IQCE: variants seen among roughly 807,000 people sequenced by gnomAD.
IQCE encodes the protein IQ motif containing E.
IQCE carries 115 observed loss-of-function variants against 96.0 expected under a neutral mutation model. The observed-to-expected ratio is 1.20, with a 90% CI of 1.03 to 1.40. The LOEUF (loss-of-function observed/expected upper bound fraction) is 1.40. Among genes scored for constraint, IQCE ranks in the 40% most tolerant of loss-of-function variants. The pLI is 0.00. For synonymous variants in IQCE, 412 were observed against 371.2 expected (o/e 1.11, Z -1.26); for missense variants, 1,041 against 909.1 (o/e 1.15, Z -1.87).
intron 4 of IQCE, among the ~76,000 whole-genome samples, 187 bp downstream of exon 4, chr7:2,571,841 G>A (rs570591739): frequency 2.0e-5 from 3 of 152,308 alleles, no homozygotes; most frequent in South Asian, 2.1e-4. Flanking sequence ...GCCAAGTGGC[G>A]CTTTAGCCTC....
At chr7:2,608,757 G>A (rs1174195085) in intron 21 of IQCE, among the ~76,000 whole-genome samples, 1 of 152,170 alleles carries the variant, frequency 6.6e-6, no homozygotes, top group Non-Finnish European at 1.5e-5. Context: ...TTTTAAAGAC[G>A]CAAGTTCATC....
At chr7:2,608,757 G>T (rs1174195085) in intron 21 of IQCE, among the ~76,000 whole-genome samples, 1 of 152,170 alleles carries the variant, frequency 6.6e-6, no homozygotes, top group African/African-American at 2.4e-5. Context: ...TTTTAAAGAC[G>T]CAAGTTCATC....
intron 1 of IQCE, among the ~76,000 whole-genome samples, chr7:2,566,331 A>G (rs1023789422): frequency 1.3e-4 from 19 of 150,988 alleles, no homozygotes; most frequent in African/African-American, 4.7e-4. Context: ...CTGAAATCAG[A>G]CAGTACAAGT....
At chr7:2,582,033 A>G (rs568839485) in intron 8 of IQCE, 71 of 468,268 alleles carry the variant, frequency 1.5e-4, no homozygotes, top group African/African-American at 1.3e-3. Flanking sequence ...TTTAAAGAAT[A>G]TAAGAATATT....
rs746645479 is a variant in IQCE, at chr7:2,569,029, C to CA, written c.130+31dup. On this transcript the variant is annotated intron_variant, in intron 3 of 21. Coordinates refer to ENST00000402050, the MANE Select transcript of IQCE (RefSeq NM_152558.5). ...GTATGACGAGGCCTGCCTTCCCTCT[C>CA]ACGCCGACGTTCCCTGGTGTCCTGG... 2.5e-6 allele frequency: 4 copies of CA among 1,606,394 alleles called. No homozygotes were observed. In the African/African-American group the frequency reaches 5.3e-5, roughly 21 times the overall value.
intron 21 of IQCE, among the ~76,000 whole-genome samples, chr7:2,607,781 G>C (rs1025820703): frequency 3.3e-5 from 5 of 152,214 alleles, no homozygotes; most frequent in Non-Finnish European, 5.9e-5. Context: ...GCTGCTCTGC[G>C]TGGACTTGAG....
At chr7:2,603,320 A>C (rs1414235255) in intron 18 of IQCE, among the ~76,000 whole-genome samples, 1 of 152,092 alleles carries the variant, frequency 6.6e-6, no homozygotes, top group Non-Finnish European at 1.5e-5. Context: ...TCAGAATGCA[A>C]GCTCTGTCTT....
At chr7:2,581,867 G>A (rs982667243) in intron 8 of IQCE, among the ~76,000 whole-genome samples, 11 of 152,078 alleles carry the variant, frequency 7.2e-5, no homozygotes, top group Non-Finnish European at 1.5e-4. Flanking sequence ...CCGCCACCGC[G>A]CCTGGCTAAT....
At chr7:2,576,672 T>A (rs1397876426) in intron 6 of IQCE, among the ~76,000 whole-genome samples, 1 of 152,130 alleles carries the variant, frequency 6.6e-6, no homozygotes. Context: ...GTGCTGGGAT[T>A]ACAGGGGTAA....
intron 1 of IQCE, among the ~76,000 whole-genome samples, chr7:2,564,936 T>A (rs1479562411): frequency 2.0e-5 from 3 of 152,210 alleles, no homozygotes; most frequent in African/African-American, 7.2e-5. Context: ...CTGAGACAGT[T>A]AATTTCAGTG....
In IQCE at chr7:2,610,051, T is replaced by C. The variant is rs6955129; in HGVS notation, c.1977T>C (p.Ser659=). 5,750 of 1,585,370 alleles carry C rather than the reference T, an allele frequency of 3.6e-3. 205 individuals are homozygous for C. The African/African-American group carries it at 0.067, about 18-fold the overall frequency. Residue 659 remains serine (S), a synonymous_variant, in exon 22 of 22, where the codon TCT becomes TCC. Coordinates refer to ENST00000402050, the MANE Select transcript of IQCE (RefSeq NM_152558.5). Reference sequence around the variant, plus strand: ...TGTGGTTCATTTCTGCAGACCCCTCTCCCTCAGGGCCACAGGCCTTGGCAC... The same window carrying C: ...TGTGGTTCATTTCTGCAGACCCCTCCCCCTCAGGGCCACAGGCCTTGGCAC... ...PPFLAALPDP[S]PSGPQALAPL...
intron 13 of IQCE, 66 bp from the exon 14 acceptor site, chr7:2,589,841 C>T (rs941427962): frequency 2.6e-6 from 4 of 1,518,032 alleles, no homozygotes; most frequent in African/African-American, 2.7e-5. Flanking sequence ...TGTCTCTTTT[C>T]TGGGTTTGGT....
chr7:2,569,661 A>G (rs1409688741), intron 3 of IQCE, among the ~76,000 whole-genome samples: 2 of 152,048 alleles, frequency 1.3e-5, no homozygotes, highest in Admixed American at 6.6e-5. Context: ...TGACCCTGTA[A>G]ATCCTAGGCC....
chr7:2,577,589 T>G (rs1441388500), intron 6 of IQCE, among the ~76,000 whole-genome samples: 4 of 109,032 alleles, frequency 3.7e-5, no homozygotes, highest in Admixed American at 9.4e-5. Flanking sequence ...CGTGCCCGCA[T>G]TGGCGTGTGC....
intron 1 of IQCE, among the ~76,000 whole-genome samples, chr7:2,559,712 G>C (rs1780778259): frequency 7.8e-6 from 1 of 128,046 alleles, no homozygotes; most frequent in African/African-American, 2.9e-5. Context: ...TAGTTACTTT[G>C]CCCGGTAAAT....
intron 17 of IQCE, among the ~76,000 whole-genome samples, chr7:2,600,899 C>T (rs2969019): frequency 0.48 from 72,929 of 152,076 alleles, 17,790 homozygotes; most frequent in African/African-American, 0.54. Flanking sequence ...TGTGACGCTG[C>T]GTGTCAGCTG....
At position 2,582,637 on chromosome 7, in the gene IQCE, G is replaced by C. The variant is rs1178654717; in HGVS notation, c.688G>C (p.Asp230His). The C allele has an allele frequency of 1.2e-6, 2 of 1,614,010 alleles. No individual in the cohort carries two copies. Among genetic ancestry groups the C allele is most frequent in the South Asian group, 1.1e-5 (1 of 91,050 alleles). Reference sequence around the variant, plus strand: ...GCTGGAACAGCAGTGCAAGGAGAAGGACGGCACCATCAGGTGGGCGCAGGG... The same window carrying C: ...GCTGGAACAGCAGTGCAAGGAGAAGCACGGCACCATCAGGTGGGCGCAGGG... ...LKLEQQCKEK[D>H]GTISKLQTDM... The change falls in exon 9 of 22, where the codon GAC (aspartate) becomes CAC (histidine). Residue 230 changes from aspartate (D) to histidine (H), a missense_variant. Physicochemically the swap from Asp to His is moderately conservative, Grantham distance 81. Coordinates refer to ENST00000402050, the MANE Select transcript of IQCE (RefSeq NM_152558.5).
At chr7:2,560,792 C>A (rs1465308028) in intron 1 of IQCE, among the ~76,000 whole-genome samples, 1 of 151,430 alleles carries the variant, frequency 6.6e-6, no homozygotes, top group East Asian at 2.0e-4. Context: ...CCCATCTCTA[C>A]TACAAATACA....
Position 2,614,477 on chromosome 7 carries a change from TACAG to T in IQCE, c.*4318_*4321del, listed in dbSNP as rs1785220215. ...ACGCTGTGCCAACTACCCTGTCTGG[TACAG>T]ACCACGGCTGGGTAAGCACCCTTAA... On this transcript the variant is annotated 3_prime_UTR_variant, in exon 22 of 22. Transcript: ENST00000402050. 6.6e-6 allele frequency: 1 copy of T among 152,192 alleles called. No homozygotes were observed. Among genetic ancestry groups the T allele is most frequent in the Admixed American group, 6.5e-5 (1 of 15,270 alleles). The allele number at this position is 152,192 out of a possible 1,614,324, so 9.4% of individuals were successfully genotyped here. A position where few individuals can be genotyped will look rare whatever the true frequency, so the allele number is the denominator to read the frequency against.
Sources: allele counts gnomAD v4.1 joint callset (sites outside exome capture counted in the v4.1 genomes callset), GRCh38; gene constraint gnomAD v4.1.1; transcripts MANE v1.5; gene names NCBI Gene and HGNC (gene_info 2026-07-23, HGNC 2026-07-21).